Variants in UBR3 observed in about 807,000 individuals in gnomAD.
UBR3 encodes the protein ubiquitin protein ligase E3 component n-recognin 3.
A neutral mutation model predicts 243.2 loss-of-function variants in UBR3; 85 were observed. That is an observed-to-expected ratio of 0.35 (90% confidence interval 0.29 to 0.42). UBR3 has a LOEUF of 0.42. UBR3 is among the 10% of genes least tolerant of loss of function. The pLI, the probability that UBR3 is intolerant of heterozygous loss-of-function variation, is 1.00. For synonymous variants in UBR3, 748 were observed against 799.8 expected (o/e 0.94, Z 1.09); for missense variants, 1,686 against 2,300.8 (o/e 0.73, Z 5.47).
Position 169,827,912 on chromosome 2 carries a change from G to C in UBR3, c.405G>C (p.Thr135=). The C allele has an allele frequency of 6.6e-7, 1 of 1,517,428 alleles. No individual in the cohort carries two copies. Among genetic ancestry groups the C allele is most frequent in the Non-Finnish European group, 8.8e-7 (1 of 1,136,048 alleles). The allele number at this position is 1,517,428 out of a possible 1,614,324, so 94.0% of individuals were successfully genotyped here. ...TANFVAYRCR[T]CGISPCMSLC... is the part of the protein sequence containing the mutation. ...ACTTCGTGGCCTACCGCTGCCGGAC[G>C]TGCGGCATCTCGCCCTGCATGTCGC... Residue 135 remains threonine (T), a synonymous_variant, in exon 1 of 39, where the codon ACG becomes ACC. Transcript: ENST00000272793.
intron 4 of UBR3, among the ~76,000 whole-genome samples, chr2:169,877,986 G>A (rs1292149749): frequency 6.6e-6 from 1 of 152,156 alleles, no homozygotes; most frequent in East Asian, 1.9e-4. Context: ...AACACCATTT[G>A]TAATAACTGT....
chr2:169,928,481 A>G (rs563400845), intron 17 of UBR3, among the ~76,000 whole-genome samples: 49 of 152,192 alleles, frequency 3.2e-4, no homozygotes, highest in Non-Finnish European at 4.0e-4. Context: ...CGGGGAAAAT[A>G]TACCTGGGAA....
At chr2:169,962,433 A>G (rs1453605754) in intron 24 of UBR3, among the ~76,000 whole-genome samples, 2 of 152,104 alleles carry the variant, frequency 1.3e-5, no homozygotes, top group Non-Finnish European at 2.9e-5. Context: ...CTCCTTAGAC[A>G]GAACCATACC....
In UBR3 at chr2:169,994,416, A is replaced by G; in HGVS notation, c.3878A>G (p.His1293Arg). 1 of 1,614,224 alleles carries G rather than the reference A, an allele frequency of 6.2e-7. No individual in the cohort carries two copies. The highest frequency in any genetic ancestry group is 2.2e-5 in the East Asian group (1 of 44,878). ...CCTTGGGATACCTGTGCAGCCGTTCATGATGTGAGGCTTTCATTATTACAG... is the reference window on the plus strand; with the variant it reads ...CCTTGGGATACCTGTGCAGCCGTTCGTGATGTGAGGCTTTCATTATTACAG... ...IYPWDTCAAV[H>R]DVRLSLLQRY... The change falls in exon 26 of 39, where the codon CAT becomes CGT. Residue 1293 changes from histidine to arginine, a missense_variant. Coordinates refer to ENST00000272793, the MANE Select transcript of UBR3 (RefSeq NM_172070.4).
intron 19 of UBR3, among the ~76,000 whole-genome samples, chr2:169,939,594 C>CA (rs1292696071): frequency 6.7e-6 from 1 of 148,182 alleles, no homozygotes; most frequent in African/African-American, 2.5e-5. Flanking sequence ...GAGACAGTCT[C>CA]ACTCTGTCTT....
At chr2:170,026,682 C>G (rs11890683) in intron 30 of UBR3, among the ~76,000 whole-genome samples, 124,625 of 152,076 alleles carry the variant, frequency 0.82, 52,299 homozygotes, top group South Asian at 0.92. Context: ...ATATGTGGAC[C>G]AAACTTTAGA....
chr2:169,932,860 T>TA, intron 18 of UBR3, 52 bp from the exon 19 acceptor site: 6 of 1,356,918 alleles, frequency 4.4e-6, no homozygotes, highest in Non-Finnish European at 6.1e-6. Context: ...AGTCAATAAA[T>TA]ATTGATTTTA....
At position 169,877,612 on chromosome 2, in the gene UBR3, TG is replaced by T; in HGVS notation, c.965del (p.Gly322ValfsTer11). The T allele has an allele frequency of 6.5e-7, 1 of 1,547,308 alleles. No individual in the cohort carries two copies. ...LVYGVQEPSAGTSSLAVQGFI... is the reference protein window; with the variant it reads ...LVYGVQEPSAXTSSLAVQGFI... ...TATATGGTGTGCAGGAGCCATCTGC[TG>T]GTACTAGTTCTCTGGCTGTTCAAGG... On this transcript the variant is annotated frameshift_variant, in exon 4 of 39. Coordinates refer to ENST00000272793, the MANE Select transcript of UBR3 (RefSeq NM_172070.4). LOFTEE classifies it high-confidence loss of function.
intron 31 of UBR3, among the ~76,000 whole-genome samples, chr2:170,035,714 G>C (rs911588064): frequency 6.6e-6 from 1 of 151,888 alleles, no homozygotes; most frequent in Non-Finnish European, 1.5e-5. Context: ...CTGGGATTTT[G>C]ATTGAGATTG....
intron 36 of UBR3, among the ~76,000 whole-genome samples, chr2:170,075,660 T>C (rs2091791754): frequency 6.6e-6 from 1 of 152,138 alleles, no homozygotes; most frequent in African/African-American, 2.4e-5. Flanking sequence ...GTGTCCCTGC[T>C]CCACTCTTGT....
intron 1 of UBR3, among the ~76,000 whole-genome samples, chr2:169,844,492 C>CT (rs71006046): frequency 1.4e-4 from 16 of 111,326 alleles, no homozygotes; most frequent in East Asian, 5.2e-4. Flanking sequence ...AACCCTCTCT[C>CT]TTTTTTTTTT....
intron 14 of UBR3, among the ~76,000 whole-genome samples, 180 bp from the exon 15 acceptor site, chr2:169,926,512 C>G (rs1442404949): frequency 6.6e-6 from 1 of 151,938 alleles, no homozygotes; most frequent in African/African-American, 2.4e-5. Flanking sequence ...TTGCTTGAGC[C>G]TGGGAGGCAG....
At chr2:170,027,698 G>A (rs2105421030) in intron 30 of UBR3, among the ~76,000 whole-genome samples, 1 of 151,862 alleles carries the variant, frequency 6.6e-6, no homozygotes, top group Non-Finnish European at 1.5e-5. Flanking sequence ...TTTTCTGTGA[G>A]AAGAATTTAG....
rs549118646 is a variant in UBR3 at position 169,859,640 on chromosome 2, T to C, written c.546-12596T>C. On this transcript the variant is annotated intron_variant, in intron 1 of 38. Coordinates refer to ENST00000272793, the MANE Select transcript of UBR3 (RefSeq NM_172070.4). ...TGTGTCATTAAATTCACTGATCTGT[T>C]TTTTCTAGTGTCATTCTACTGTTAA... Among the ~76,000 whole-genome samples, 9 of 152,228 alleles carry C rather than the reference T, an allele frequency of 5.9e-5. No individual in the cohort carries two copies. The South Asian group carries it at 1.9e-3, about 32-fold the overall frequency.
intron 29 of UBR3, 135 bp downstream of exon 29, chr2:170,009,075 C>T: frequency 1.9e-6 from 1 of 527,030 alleles, no homozygotes. Flanking sequence ...AGTTTTAGTG[C>T]CTGCTAGGAT....
At chr2:169,987,111 G>A (rs1047819554) in intron 25 of UBR3, among the ~76,000 whole-genome samples, 5 of 151,974 alleles carry the variant, frequency 3.3e-5, no homozygotes, top group Admixed American at 2.0e-4. Flanking sequence ...TGTTCTGGCC[G>A]GGTGTGGTGC....
At chr2:169,831,125 ATATTTTTTTTT>A (rs1429722556) in intron 1 of UBR3, among the ~76,000 whole-genome samples, 1 of 55,284 alleles carries the variant, frequency 1.8e-5, no homozygotes, top group African/African-American at 6.8e-5. Context: ...ATATATATAT[ATATTTTTTTTT>A]TTTTTTTTTT....
chr2:169,883,519 A>G (rs138661419), intron 5 of UBR3, among the ~76,000 whole-genome samples: 3,356 of 152,320 alleles, frequency 0.022, 64 homozygotes, highest in Non-Finnish European at 0.027. Context: ...CTTGATGGGA[A>G]GAATGTCAGA....
chr2:169,945,913 A>G (rs2086773614), intron 20 of UBR3, among the ~76,000 whole-genome samples: 1 of 152,186 alleles, frequency 6.6e-6, no homozygotes. Context: ...CTTTAATTTT[A>G]GAGACATATT....
Sources: allele counts gnomAD v4.1 joint callset (sites outside exome capture counted in the v4.1 genomes callset), GRCh38; gene constraint gnomAD v4.1.1; transcripts MANE v1.5; gene names NCBI Gene and HGNC (gene_info 2026-07-23, HGNC 2026-07-21).